CASP5: variants seen among roughly 807,000 people sequenced by gnomAD.
The protein encoded by CASP5 is caspase-5.
In CASP5, 42 loss-of-function variants were observed where a neutral mutation model predicts 45.2. That is an observed-to-expected ratio of 0.93 (90% CI 0.73 to 1.20). The LOEUF (loss-of-function observed/expected upper bound fraction) is 1.20. CASP5 is among the 50% of genes most tolerant of loss of function. CASP5 has a pLI of 0.00. For missense variants in CASP5, 512 were observed against 532.2 expected (o/e 0.96, Z 0.37); for synonymous variants, 209 against 186.2 (o/e 1.12, Z -1.00).
intron 6 of CASP5, among the ~76,000 whole-genome samples, chr11:104,999,877 C>T (rs533010073): frequency 6.6e-6 from 1 of 152,294 alleles, no homozygotes; most frequent in African/African-American, 2.4e-5. Flanking sequence ...GCTTGTATCA[C>T]ATAATAACTT....
chr11:104,999,148 A>G (rs995112829), intron 6 of CASP5, 120 bp from the exon 7 acceptor site: 64 of 831,040 alleles, frequency 7.7e-5, no homozygotes, highest in Non-Finnish European at 1.1e-4. Context: ...TGCACCTATC[A>G]TATAGGTTTT....
At chr11:105,005,043 T>A (rs1861936349) in intron 3 of CASP5, among the ~76,000 whole-genome samples, 1 of 152,118 alleles carries the variant, frequency 6.6e-6, no homozygotes, top group Non-Finnish European at 1.5e-5. Context: ...ACAAAAATAT[T>A]ATTTTATTAC....
At chr11:105,009,953 A>C (rs1862254543) in intron 1 of CASP5, among the ~76,000 whole-genome samples, 2 of 147,830 alleles carry the variant, frequency 1.4e-5, no homozygotes, top group South Asian at 2.1e-4. Flanking sequence ...ACATATATAT[A>C]TCAAAGTAAT....
At chr11:104,996,381 C>T (rs1861472042) in intron 8 of CASP5, among the ~76,000 whole-genome samples, 1 of 152,156 alleles carries the variant, frequency 6.6e-6, no homozygotes, top group Non-Finnish European at 1.5e-5. Flanking sequence ...CTCAAAAGTA[C>T]AATGTCTAAT....
Position 105,000,386 on chromosome 11 carries a change from G to T in CASP5, c.827C>A (p.Thr276Asn). Reference protein sequence around the residue: ...SHGILEGICGTAHKKKKPDVL... With the variant: ...SHGILEGICGNAHKKKKPDVL... ...ATCCGGTTTTTTCTTTTTATGCGCA[G>T]TTCCGCAGATTCCCTCTAGGATGCC... Residue 276 changes from threonine to asparagine, a missense_variant, in exon 6 of 10, where the codon ACT becomes AAT. Transcript: ENST00000260315. The T allele has an allele frequency of 6.2e-7, 1 of 1,614,186 alleles. No homozygotes were observed. The highest frequency in any genetic ancestry group is 8.5e-7 in the Non-Finnish European group (1 of 1,180,026).
intron 1 of CASP5, among the ~76,000 whole-genome samples, chr11:105,016,780 AG>A (rs1460805454): frequency 5.3e-5 from 8 of 152,086 alleles, no homozygotes; most frequent in Admixed American, 2.6e-4. Context: ...GCAGCCAGGA[AG>A]CTCGAACTGG....
At chr11:105,008,568 C>T (rs1345529021) in intron 2 of CASP5, among the ~76,000 whole-genome samples, 1 of 152,034 alleles carries the variant, frequency 6.6e-6, no homozygotes, top group Non-Finnish European at 1.5e-5. Context: ...CAAGCCTCTA[C>T]TATTAATTAT....
chr11:104,994,809 T>A (rs1289560258), intron 9 of CASP5, among the ~76,000 whole-genome samples: 2 of 152,252 alleles, frequency 1.3e-5, no homozygotes, highest in Non-Finnish European at 2.9e-5. Context: ...AACCACATGA[T>A]TCACTCTCCA....
At chr11:105,019,024 T>G (rs1233281554) in intron 1 of CASP5, among the ~76,000 whole-genome samples, 3 of 146,070 alleles carry the variant, frequency 2.1e-5, no homozygotes, top group Non-Finnish European at 3.0e-5. Context: ...CTCAACTACA[T>G]GGAAACTGAA....
intron 1 of CASP5, among the ~76,000 whole-genome samples, 170 bp downstream of exon 1, chr11:105,022,959 CT>C (rs1863048915): frequency 6.8e-6 from 1 of 147,376 alleles, no homozygotes; most frequent in Non-Finnish European, 1.5e-5. Context: ...CCTTCAGTGT[CT>C]CTACACAGTC....
At chr11:105,009,714 T>TATAC (rs1159309192) in intron 1 of CASP5, among the ~76,000 whole-genome samples, 1 of 71,466 alleles carries the variant, frequency 1.4e-5, no homozygotes, top group Non-Finnish European at 2.7e-5. Context: ...GATATATATA[T>TATAC]ACACACATAT....
At chr11:105,012,248 G>A (rs1862385720) in intron 1 of CASP5, among the ~76,000 whole-genome samples, 1 of 151,686 alleles carries the variant, frequency 6.6e-6, no homozygotes, top group Non-Finnish European at 1.5e-5. Context: ...GAATGAAAAC[G>A]GGCCCTTATC....
intron 1 of CASP5, among the ~76,000 whole-genome samples, chr11:105,021,992 G>A (rs868841096): frequency 1.1e-3 from 171 of 151,188 alleles, no homozygotes; most frequent in Middle Eastern, 6.8e-3. Context: ...AAAAAATGAT[G>A]AGTTCATGTC....
At chr11:105,014,691 A>T (rs1375172636) in intron 1 of CASP5, among the ~76,000 whole-genome samples, 1 of 152,230 alleles carries the variant, frequency 6.6e-6, no homozygotes, top group Non-Finnish European at 1.5e-5. Flanking sequence ...CATTCTGGAA[A>T]ATTTGGTGAG....
At chr11:104,996,990 A>G (rs1191143754) in intron 8 of CASP5, among the ~76,000 whole-genome samples, 1 of 152,154 alleles carries the variant, frequency 6.6e-6, no homozygotes, top group Non-Finnish European at 1.5e-5. Context: ...ATCTCTCACA[A>G]AAGTGTGAGT....
chr11:104,995,871 G>C, intron 8 of CASP5, 29 bp from the exon 9 acceptor site: 1 of 1,449,896 alleles, frequency 6.9e-7, no homozygotes, highest in South Asian at 1.2e-5. Context: ...GATGAGATAT[G>C]AGGGATTTTG....
chr11:105,000,610 A>G, intron 5 of CASP5, 115 bp from the exon 6 acceptor site: 1 of 908,826 alleles, frequency 1.1e-6, no homozygotes, highest in Admixed American at 2.5e-5. Flanking sequence ...GTGGTGCTTC[A>G]CATAGCGCTT....
intron 2 of CASP5, 145 bp downstream of exon 2, chr11:105,008,662 C>T (rs1862122288): frequency 1.6e-6 from 1 of 637,970 alleles, no homozygotes; most frequent in African/African-American, 1.8e-5. Context: ...AAGGTAGTCC[C>T]TGAAGGAAAA....
chr11:105,012,894 G>A (rs1219026396), intron 1 of CASP5, among the ~76,000 whole-genome samples: 2 of 151,944 alleles, frequency 1.3e-5, no homozygotes, highest in African/African-American at 4.8e-5. Flanking sequence ...AATTAAAAAT[G>A]TTAAAAATGA....
Sources: gnomAD v4.1 joint callset for allele counts (sites outside exome capture counted in the v4.1 genomes callset) on GRCh38, gnomAD v4.1.1 for gene constraint, MANE v1.5 for transcripts, NCBI Gene and HGNC (gene_info 2026-07-23, HGNC 2026-07-21) for gene names.